The following ELL variants were observed in gnomAD, a reference collection of about 807,000 sequenced individuals.
ELL encodes the protein RNA polymerase II elongation factor ELL.
A neutral mutation model predicts 64.0 loss-of-function variants in ELL; 18 were observed. The ratio of observed to expected loss-of-function variants is 0.28; its 90% CI spans 0.19 to 0.42. The LOEUF is 0.42. Ranked by LOEUF, ELL falls within the 10% of genes least tolerant of loss-of-function variation. The pLI, the probability that ELL is intolerant of heterozygous loss-of-function variation, is 1.00. For synonymous variants in ELL, 399 were observed against 376.2 expected (o/e 1.06, Z -0.70); for missense variants, 797 against 870.4 (o/e 0.92, Z 1.06).
chr19:18,498,954 A>AAAC (rs141036344), intron 1 of ELL, among the ~76,000 whole-genome samples: 2 of 151,700 alleles, frequency 1.3e-5, no homozygotes, highest in African/African-American at 2.4e-5. Flanking sequence ...CTTCTCCAAA[A>AAAC]AACAACAACA....
At chr19:18,480,502 C>T (rs1364787289) in intron 1 of ELL, among the ~76,000 whole-genome samples, 2 of 152,218 alleles carry the variant, frequency 1.3e-5, no homozygotes, top group Non-Finnish European at 2.9e-5. Flanking sequence ...GCAGGACCCA[C>T]GGCAGCTCCT....
intron 1 of ELL, among the ~76,000 whole-genome samples, chr19:18,480,350 C>T (rs1197208399): frequency 6.6e-6 from 1 of 152,206 alleles, no homozygotes; most frequent in Non-Finnish European, 1.5e-5. Flanking sequence ...GGGCTGTCTC[C>T]GTGAACTACA....
Position 18,498,237 on chromosome 19 carries a change from G to A in ELL, c.135+23684C>T, listed in dbSNP as rs1022830901. On this transcript the variant is annotated intron_variant, in intron 1 of 11. Transcript: ENST00000262809. The stretch of plus-strand genomic sequence containing the variant: ...GAGGCTGCAGGTGCGGGGAGGCGGG[G>A]AGAAGTATATAGGAACTCTACCTTC... Among the ~76,000 whole-genome samples the A allele has an allele frequency of 1.5e-4, 23 of 152,122 alleles. 1 individual carries two copies. The highest frequency in any genetic ancestry group is 1.4e-3 in the Admixed American group (21 of 15,272).
intron 1 of ELL, among the ~76,000 whole-genome samples, chr19:18,483,283 G>A (rs182552935): frequency 1.1e-4 from 17 of 152,254 alleles, no homozygotes; most frequent in Admixed American, 7.9e-4. Flanking sequence ...GATATTCCCC[G>A]GATGCCACCG....
rs1975783835 is a variant in ELL, at chr19:18,501,789, T to C, written c.135+20132A>G. Among the ~76,000 whole-genome samples, 1 of 152,178 alleles carries C rather than the reference T, an allele frequency of 6.6e-6. No individual in the cohort carries two copies. Among genetic ancestry groups the C allele is most frequent in the Non-Finnish European group, 1.5e-5 (1 of 68,024 alleles). ...GACTCTCCCACAAATGGTCCATCCT[T>C]GGGGAGCATCTCCCCCACATCCTCA... On this transcript the variant is annotated intron_variant, in intron 1 of 11. Coordinates refer to ENST00000262809, the MANE Select transcript of ELL (RefSeq NM_006532.4). The surrounding 1 kb of genome is among the most constrained non-coding windows in gnomAD (Gnocchi z 4.5).
intron 1 of ELL, among the ~76,000 whole-genome samples, chr19:18,481,888 G>A (rs1975305962): frequency 6.6e-6 from 1 of 152,202 alleles, no homozygotes; most frequent in African/African-American, 2.4e-5. Flanking sequence ...CGACTGCTGG[G>A]TTACAGAGTA....
chr19:18,451,934 G>A (rs1974548581), intron 6 of ELL, among the ~76,000 whole-genome samples: 1 of 152,210 alleles, frequency 6.6e-6, no homozygotes, highest in Admixed American at 6.5e-5. Flanking sequence ...CTAGGGTGCT[G>A]GACCCTGCTT....
Position 18,495,206 on chromosome 19 carries a change from G to A in ELL, c.136-22324C>T, listed in dbSNP as rs112366250. ...TGAGCCGAGAGCCGAGAGCAGAAGTGCAGGAGGCGAGCTGACCCCAGGAGA... is the reference window on the plus strand; with the variant it reads ...TGAGCCGAGAGCCGAGAGCAGAAGTACAGGAGGCGAGCTGACCCCAGGAGA... On this transcript the variant is annotated intron_variant, in intron 1 of 11. Transcript: ENST00000262809. Among the ~76,000 whole-genome samples the A allele has an allele frequency of 3.5e-3, 534 of 152,302 alleles. 1 individual carries two copies. The highest frequency in any genetic ancestry group is 0.011 in the African/African-American group (444 of 41,564).
At chr19:18,477,637 C>T (rs549754609) in intron 1 of ELL, among the ~76,000 whole-genome samples, 1 of 152,306 alleles carries the variant, frequency 6.6e-6, no homozygotes, top group East Asian at 1.9e-4. Context: ...GAGGGAGAAA[C>T]ACCGCCAGAC....
intron 2 of ELL, among the ~76,000 whole-genome samples, chr19:18,472,238 T>G (rs950706573): frequency 6.6e-6 from 1 of 152,126 alleles, no homozygotes; most frequent in African/African-American, 2.4e-5. Flanking sequence ...CCTGGGATTA[T>G]AGGTGTGAAC....
chr19:18,509,302 A>G (rs989144008), intron 1 of ELL, among the ~76,000 whole-genome samples: 52 of 152,118 alleles, frequency 3.4e-4, no homozygotes, highest in African/African-American at 1.1e-3. Flanking sequence ...CACAGCAGGA[A>G]GCTCATTGTA....
At chr19:18,504,196 G>A (rs1975838219) in intron 1 of ELL, among the ~76,000 whole-genome samples, 1 of 152,334 alleles carries the variant, frequency 6.6e-6, no homozygotes, top group Admixed American at 6.5e-5. Context: ...ACGGCACAGA[G>A]AGGCTGGAGG....
In ELL at chr19:18,446,465, G is replaced by A; in HGVS notation, c.1548C>T (p.Ile516=). The A allele has an allele frequency of 6.2e-7, 1 of 1,612,344 alleles. No individual in the cohort carries two copies. Among genetic ancestry groups the A allele is most frequent in the Non-Finnish European group, 8.5e-7 (1 of 1,179,874 alleles). The part of the protein sequence containing the change: ...TPDYLLKYAA[I]SSSEQRQSYK... ...AGCTCTGGCGCTGCTCCGAAGAGGA[G>A]ATGGCTGCGTACTTCCTGAAACAGG... is the stretch of plus-strand genomic sequence containing the variant. The change falls in exon 10 of 12, where the codon ATC becomes ATT. Residue 516 remains isoleucine (I), a synonymous_variant. Transcript: ENST00000262809.
intron 1 of ELL, among the ~76,000 whole-genome samples, chr19:18,495,326 C>T (rs933496825): frequency 1.3e-5 from 2 of 152,068 alleles, no homozygotes; most frequent in African/African-American, 4.8e-5. Flanking sequence ...CCTGGCCCCA[C>T]GTGCACATCA....
At chr19:18,519,119 T>C (rs964968127) in intron 1 of ELL, among the ~76,000 whole-genome samples, 2 of 151,884 alleles carry the variant, frequency 1.3e-5, no homozygotes, top group Non-Finnish European at 2.9e-5. Context: ...TCCCAGCACT[T>C]TGGGAGGCCG....
At chr19:18,476,014 C>T (rs1975168387) in intron 1 of ELL, 1 of 152,428 alleles carries the variant, frequency 6.6e-6, no homozygotes, top group African/African-American at 2.4e-5. Context: ...GACACAAGAA[C>T]CACACGGAGC....
At chr19:18,495,122 CTA>C (rs1313570834) in intron 1 of ELL, among the ~76,000 whole-genome samples, 2 of 152,214 alleles carry the variant, frequency 1.3e-5, no homozygotes, top group Non-Finnish European at 2.9e-5. Flanking sequence ...TAGACAAAAA[CTA>C]GAGTGACACA....
At position 18,495,356 on chromosome 19, in the gene ELL, G is replaced by A. The variant is rs149074626; in HGVS notation, c.136-22474C>T. On this transcript the variant is annotated intron_variant, in intron 1 of 11. Coordinates refer to ENST00000262809, the MANE Select transcript of ELL (RefSeq NM_006532.4). ...ACATCACCAGCACCCTGGGCTGCTG[G>A]GGTGTGGAGAGGAACTGGCAACAGC... Among the ~76,000 whole-genome samples, 111 of 152,282 alleles carry A rather than the reference G, an allele frequency of 7.3e-4. 1 individual carries two copies. Among genetic ancestry groups the A allele is most frequent in the African/African-American group, 2.3e-3 (95 of 41,544 alleles).
chr19:18,480,161 G>C (rs185551316), intron 1 of ELL, among the ~76,000 whole-genome samples: 324 of 152,386 alleles, frequency 2.1e-3, no homozygotes, highest in African/African-American at 7.5e-3. Flanking sequence ...GTGTGGTCCA[G>C]CAGAGGGAAG....
Sources: gnomAD v4.1 joint callset for allele counts (sites outside exome capture counted in the v4.1 genomes callset) on GRCh38, gnomAD v4.1.1 for gene constraint, Gnocchi (gnomAD v3.1) non-coding constraint, MANE v1.5 for transcripts, NCBI Gene and HGNC (gene_info 2026-07-23, HGNC 2026-07-21) for gene names.